The following SUGT1 variants were observed in gnomAD, a reference collection of about 807,000 sequenced individuals.
The protein encoded by SUGT1 is SGT1 assembly cochaperone of MIS12 kinetochore complex.
Under a neutral mutation model 56.1 loss-of-function variants are expected in SUGT1, and 15 were observed. That is an observed-to-expected ratio of 0.27 (90% confidence interval 0.18 to 0.41). The LOEUF is 0.41. Ranked by LOEUF, SUGT1 falls within the 10% of genes least tolerant of loss-of-function variation. The pLI, the probability that SUGT1 is intolerant of heterozygous loss-of-function variation, is 1.00. For synonymous variants in SUGT1, 123 were observed against 128.6 expected (o/e 0.96, Z 0.30); for missense variants, 347 against 382.2 (o/e 0.91, Z 0.77).
intron 10 of SUGT1, 138 bp from the exon 11 acceptor site, chr13:52,676,092 A>C: frequency 1.6e-6 from 1 of 607,946 alleles, no homozygotes. Flanking sequence ...TAGTTTTTCA[A>C]ATTTAACCTT....
chr13:52,697,624 G>A lies in SUGT1; in HGVS notation c.*9789G>A, dbSNP rs1200633111. 1 of 152,136 alleles carries A rather than the reference G, an allele frequency of 6.6e-6. No homozygotes were observed. Among genetic ancestry groups the A allele is most frequent in the Admixed American group, 6.6e-5 (1 of 15,266 alleles). The allele number at this position is 152,136 out of a possible 1,614,324, so 9.4% of individuals were successfully genotyped here. ...TAGAAAACCCTCTTTGATGAGGGTTGTATACTTTATTTTTAAACAGTATCA... is the reference window on the plus strand; with the variant it reads ...TAGAAAACCCTCTTTGATGAGGGTTATATACTTTATTTTTAAACAGTATCA... On this transcript the variant is annotated 3_prime_UTR_variant, in exon 13 of 13. Transcript: ENST00000310528.
In SUGT1 at chr13:52,659,035, A is replaced by G. The variant is rs1962300079; in HGVS notation, c.258-144A>G. 5 of 543,292 alleles carry G rather than the reference A, an allele frequency of 9.2e-6. No homozygotes were observed. In the East Asian group the frequency reaches 1.5e-4, roughly 16 times the overall value. 33.7% of individuals were successfully genotyped at this position (543,292 alleles called of 1,614,324 possible). A position where few individuals can be genotyped will look rare whatever the true frequency, so the allele number is the denominator to read the frequency against. On this transcript the variant is annotated intron_variant, in intron 4 of 12. Transcript: ENST00000310528. ...GAATTGTACTAGATCTTAACAGTAT[A>G]TTAGAAAGTCTCTAGGTTTATTAAC...
intron 10 of SUGT1, among the ~76,000 whole-genome samples, chr13:52,672,523 C>T (rs960639266): frequency 2.6e-5 from 4 of 151,966 alleles, no homozygotes; most frequent in Non-Finnish European, 5.9e-5. Flanking sequence ...AGTCTGGGCT[C>T]GAAGGCAGCT....
chr13:52,683,556 C>T (rs1452232178), intron 12 of SUGT1, among the ~76,000 whole-genome samples: 1 of 152,028 alleles, frequency 6.6e-6, no homozygotes, highest in Non-Finnish European at 1.5e-5. Context: ...GTCTAATTTT[C>T]TTTTTGTGCT....
chr13:52,682,047 A>G (rs7324108), intron 12 of SUGT1, among the ~76,000 whole-genome samples: 150,823 of 151,958 alleles, frequency 0.99, 74,848 homozygotes, highest in East Asian at 1. Context: ...CTTTCATAGA[A>G]CCAAAATATT....
intron 10 of SUGT1, among the ~76,000 whole-genome samples, chr13:52,675,176 T>C (rs1963095327): frequency 6.6e-6 from 1 of 152,224 alleles, no homozygotes; most frequent in South Asian, 2.1e-4. Flanking sequence ...CACAGTCAGG[T>C]GTGCTCTCTC....
In SUGT1 at chr13:52,657,627, C is replaced by A. The variant is rs560630569; in HGVS notation, c.187+5C>A. ...TTCTTCTTGGGAATTACTGTGGTAA[C>A]GTTTCTTATAAAGTATATTGCCCCC... On this transcript the variant is annotated splice_donor_5th_base_variant and intron_variant, in intron 3 of 12. Coordinates refer to ENST00000310528, the MANE Select transcript of SUGT1 (RefSeq NM_006704.5). 1 of 1,610,432 alleles carries A rather than the reference C, an allele frequency of 6.2e-7. No individual in the cohort carries two copies. Among genetic ancestry groups the A allele is most frequent in the African/African-American group, 1.3e-5 (1 of 74,910 alleles).
chr13:52,687,621 G>A (rs1963647017), intron 12 of SUGT1, 113 bp from the exon 13 acceptor site: 2 of 574,482 alleles, frequency 3.5e-6, no homozygotes, highest in Admixed American at 3.9e-5. Context: ...AGTTTATATT[G>A]AGCTGTATAT....
intron 12 of SUGT1, among the ~76,000 whole-genome samples, chr13:52,682,972 C>G (rs931072163): frequency 6.6e-6 from 1 of 152,048 alleles, no homozygotes; most frequent in Non-Finnish European, 1.5e-5. Flanking sequence ...GGACTCAGTT[C>G]TAGGAGTATT....
At chr13:52,661,626 G>T (rs1962461180) in intron 5 of SUGT1, 2 of 409,400 alleles carry the variant, frequency 4.9e-6, no homozygotes, top group Non-Finnish European at 9.7e-6. Flanking sequence ...AAACTTTTAG[G>T]CTTCTATTTT....
At chr13:52,676,183 T>A (rs766272561) in intron 10 of SUGT1, 47 bp from the exon 11 acceptor site, 1 of 1,483,458 alleles carries the variant, frequency 6.7e-7, no homozygotes, top group Non-Finnish European at 9.2e-7. Flanking sequence ...TTTACTGTTT[T>A]GTGTATTTTA....
chr13:52,668,830 CAA>C (rs56742664), intron 10 of SUGT1, among the ~76,000 whole-genome samples: 38 of 78,920 alleles, frequency 4.8e-4, no homozygotes, highest in Admixed American at 8.3e-4. Flanking sequence ...GACTCTGTCT[CAA>C]AAAAAAAAAA....
Position 52,652,838 on chromosome 13 carries a change from C to G in SUGT1, c.-83C>G. The G allele has an allele frequency of 3.9e-6, 6 of 1,557,178 alleles. No homozygotes were observed. The highest frequency in any genetic ancestry group is 4.8e-5 in the East Asian group (2 of 41,994). On this transcript the variant is annotated 5_prime_UTR_variant, in exon 1 of 13. Coordinates refer to ENST00000310528, the MANE Select transcript of SUGT1 (RefSeq NM_006704.5). ...GGACGGAAGCTCGGTTGGTGTTTCT[C>G]CAGAAGTTTCCCCCTTGGGCGGTGG... is the stretch of plus-strand genomic sequence containing the variant.
chr13:52,667,243 G>A (rs774407872), intron 10 of SUGT1, among the ~76,000 whole-genome samples: 15 of 152,170 alleles, frequency 9.9e-5, no homozygotes, highest in Non-Finnish European at 2.2e-4. Flanking sequence ...CTCTTCCCTT[G>A]AACTTGTCAG....
chr13:52,691,845 G>A lies in SUGT1; in HGVS notation c.*4010G>A, dbSNP rs779454275. On this transcript the variant is annotated 3_prime_UTR_variant, in exon 13 of 13. Coordinates refer to ENST00000310528, the MANE Select transcript of SUGT1 (RefSeq NM_006704.5). ...AATAAAAGGGTTCATCTCTTTTGATGTGGTTTCCCTTTCTCCATCTGTGCA... is the reference window on the plus strand; with the variant it reads ...AATAAAAGGGTTCATCTCTTTTGATATGGTTTCCCTTTCTCCATCTGTGCA... 1 of 151,792 alleles carries A rather than the reference G, an allele frequency of 6.6e-6. No homozygotes were observed. The highest frequency in any genetic ancestry group is 6.5e-5 in the Admixed American group (1 of 15,276). 9.4% of individuals were successfully genotyped at this position (151,792 alleles called of 1,614,324 possible).
At chr13:52,665,239 A>G (rs1197103026) in intron 8 of SUGT1, among the ~76,000 whole-genome samples, 1 of 152,220 alleles carries the variant, frequency 6.6e-6, no homozygotes, top group African/African-American at 2.4e-5. Context: ...CATCTGTAAA[A>G]TAGGGATTTA....
rs1964052766 is a variant in SUGT1, at chr13:52,700,566, C to G, written c.*12731C>G. The G allele has an allele frequency of 6.6e-5, 10 of 152,066 alleles. No homozygotes were observed. Among genetic ancestry groups the G allele is most frequent in the Admixed American group, 6.6e-4 (10 of 15,264 alleles). The allele number at this position is 152,066 out of a possible 1,614,324, so 9.4% of individuals were successfully genotyped here. Reference sequence around the variant, plus strand: ...GAGCATGTGTATTTGTACAAAAGCCCTTCAAAAGGAGTTCAGCTTTTATAA... The same window carrying G: ...GAGCATGTGTATTTGTACAAAAGCCGTTCAAAAGGAGTTCAGCTTTTATAA... On this transcript the variant is annotated 3_prime_UTR_variant, in exon 13 of 13. Transcript: ENST00000310528.
At chr13:52,672,882 TGG>T (rs1962998653) in intron 10 of SUGT1, among the ~76,000 whole-genome samples, 1 of 152,228 alleles carries the variant, frequency 6.6e-6, no homozygotes, top group African/African-American at 2.4e-5. Flanking sequence ...CAGAAGTGGA[TGG>T]TAGTACCTAT....
chr13:52,687,690 A>G (rs76876250), intron 12 of SUGT1, 44 bp from the exon 13 acceptor site: 5 of 1,455,308 alleles, frequency 3.4e-6, no homozygotes, highest in Non-Finnish European at 4.6e-6. Flanking sequence ...TTCTATTTTG[A>G]TTATATGGTC....
Sources: gnomAD v4.1 joint callset for allele counts (sites outside exome capture counted in the v4.1 genomes callset) on GRCh38, gnomAD v4.1.1 for gene constraint, MANE v1.5 for transcripts, NCBI Gene and HGNC (gene_info 2026-07-23, HGNC 2026-07-21) for gene names.